GLRA2: variants seen among roughly 807,000 people sequenced by gnomAD.
GLRA2 encodes the protein glycine receptor alpha 2.
GLRA2 carries 11 observed loss-of-function variants against 31.6 expected under a neutral mutation model. The observed-to-expected ratio is 0.35, with a 90% CI of 0.22 to 0.58. The LOEUF is 0.58. Among genes scored for constraint, GLRA2 ranks in the 20% least tolerant of loss-of-function variants. GLRA2 has a pLI of 0.84. For missense variants in GLRA2, 212 were observed against 351.8 expected, an observed-to-expected ratio of 0.60 and a Z score of 3.18; for synonymous variants, 132 against 134.0, an observed-to-expected ratio of 0.99 and a Z score of 0.10.
intron 3 of GLRA2, among the ~76,000 whole-genome samples, chrX:14,574,792 G>A (rs1474796184): frequency 8.9e-6 from 1 of 111,769 alleles, no homozygotes; most frequent in Non-Finnish European, 1.9e-5. Context: ...AACATTTGAT[G>A]TTTTAATGGT....
intron 7 of GLRA2, among the ~76,000 whole-genome samples, chrX:14,685,245 G>A (rs7056241): frequency 0.033 from 3,702 of 111,187 alleles, 123 homozygotes; most frequent in African/African-American, 0.1. Flanking sequence ...GTTTTGCATC[G>A]ATGTTCATCA....
chrX:14,571,689 G>A (rs1252822015), intron 2 of GLRA2, among the ~76,000 whole-genome samples: 1 of 111,272 alleles, frequency 9.0e-6, no homozygotes, highest in Non-Finnish European at 1.9e-5. Flanking sequence ...TCAGTTCTTA[G>A]TATATGCGTG....
At chrX:14,656,817 T>A (rs1189236006) in intron 7 of GLRA2, among the ~76,000 whole-genome samples, 1 of 112,173 alleles carries the variant, frequency 8.9e-6, no homozygotes, top group East Asian at 2.8e-4. Flanking sequence ...TGAAGCAGGA[T>A]AGAGGCATAG....
chrX:14,600,679 T>C (rs910144487), intron 4 of GLRA2, among the ~76,000 whole-genome samples: 3 of 110,891 alleles, frequency 2.7e-5, no homozygotes, highest in Non-Finnish European at 1.9e-5. Context: ...ATTATTTTTT[T>C]ATGGTAAGAA....
At chrX:14,493,018 C>A in the GLRA2 span, among the ~76,000 whole-genome samples, 1 of 111,116 alleles carries the variant, frequency 9.0e-6, no homozygotes, top group Non-Finnish European at 1.9e-5. Flanking sequence ...GGTCACTAAT[C>A]CCATTCATGA....
chrX:14,590,029 C>T, intron 4 of GLRA2, among the ~76,000 whole-genome samples: 1 of 110,530 alleles, frequency 9.0e-6, no homozygotes, highest in African/African-American at 3.3e-5. Context: ...CATCTAATAA[C>T]CCATAAATAA....
chrX:14,486,085 G>C, the GLRA2 span, among the ~76,000 whole-genome samples: 5 of 111,502 alleles, frequency 4.5e-5, no homozygotes, highest in Admixed American at 4.8e-4. Flanking sequence ...GGAAAAAAGA[G>C]AGGGTCTGGA....
the GLRA2 span, among the ~76,000 whole-genome samples, chrX:14,472,139 T>C: frequency 6.1e-4 from 68 of 112,203 alleles, no homozygotes; most frequent in African/African-American, 1.9e-3. Context: ...TCAACTTCAC[T>C]GTTCAAATAG....
chrX:14,593,533 G>T (rs1014136792), intron 4 of GLRA2, among the ~76,000 whole-genome samples: 1 of 112,389 alleles, frequency 8.9e-6, no homozygotes, highest in Admixed American at 9.4e-5. Context: ...AAAGCAAAAA[G>T]TATGCTAGGG....
chrX:14,670,594 A>G (rs891313993), intron 7 of GLRA2, among the ~76,000 whole-genome samples: 1 of 111,305 alleles, frequency 9.0e-6, no homozygotes, highest in African/African-American at 3.3e-5. Flanking sequence ...GCTTGTGCAG[A>G]GAAACTCTCA....
intron 8 of GLRA2, among the ~76,000 whole-genome samples, chrX:14,717,686 T>A (rs2091808648): frequency 9.8e-6 from 1 of 102,382 alleles, no homozygotes; most frequent in Non-Finnish European, 1.9e-5. Flanking sequence ...ATGGAGTACA[T>A]CATGAATTAG....
chrX:14,647,364 A>G (rs1302737298), intron 7 of GLRA2, among the ~76,000 whole-genome samples: 1 of 112,375 alleles, frequency 8.9e-6, no homozygotes, highest in Non-Finnish European at 1.9e-5. Flanking sequence ...ATTAATTTCC[A>G]GAGCAGCCTT....
rs1331997252 is a variant in GLRA2 at position 14,608,980 on chromosome X, C to T, written c.716-11C>T. 1.2e-6 allele frequency: 1 copy of T among 860,380 alleles called. No homozygotes were observed. 70.9% of individuals were successfully genotyped at this position (860,380 alleles called of 1,213,427 possible). Reference sequence around the variant, plus strand: ...CAGGCTGGACTTTAAATGATCATTTCCTCCTTCTAGGAAAGTTTACCTGCA... The same window carrying T: ...CAGGCTGGACTTTAAATGATCATTTTCTCCTTCTAGGAAAGTTTACCTGCA... On this transcript the variant is annotated splice_polypyrimidine_tract_variant and intron_variant, in intron 6 of 8. Transcript: ENST00000218075.
intron 8 of GLRA2, among the ~76,000 whole-genome samples, chrX:14,720,929 T>C (rs1329061883): frequency 1.1e-4 from 12 of 109,771 alleles, no homozygotes; most frequent in African/African-American, 4.0e-4. Flanking sequence ...TCCAGGAGTT[T>C]GGGACCAGCC....
At chrX:14,716,411 A>G (rs1213385465) in intron 8 of GLRA2, among the ~76,000 whole-genome samples, 1 of 111,862 alleles carries the variant, frequency 8.9e-6, no homozygotes. Context: ...TTCCTCTGCA[A>G]TATCCAGTCT....
At chrX:14,450,667 C>A in the GLRA2 span, among the ~76,000 whole-genome samples, 54 of 111,876 alleles carry the variant, frequency 4.8e-4, 1 homozygote, top group Middle Eastern at 0.014. Flanking sequence ...TCAGCAGAAA[C>A]CTTACAAGCC....
chrX:14,507,985 C>T, the GLRA2 span, among the ~76,000 whole-genome samples: 1 of 110,822 alleles, frequency 9.0e-6, no homozygotes, highest in Non-Finnish European at 1.9e-5. Context: ...TGAGCCACTG[C>T]GAGACATTCT....
intron 2 of GLRA2, among the ~76,000 whole-genome samples, chrX:14,538,275 C>T (rs1158321171): frequency 9.0e-6 from 1 of 110,999 alleles, no homozygotes; most frequent in Non-Finnish European, 1.9e-5. Context: ...CTGCCTTTAC[C>T]TACCTCACTT....
At chrX:14,681,910 AAT>A (rs1556060452) in intron 7 of GLRA2, among the ~76,000 whole-genome samples, 149 of 41,269 alleles carry the variant, frequency 3.6e-3, no homozygotes, top group African/African-American at 8.4e-3. Flanking sequence ...AAAAAAAAAA[AAT>A]ATATATATAT....
Sources: allele counts gnomAD v4.1 joint callset (sites outside exome capture counted in the v4.1 genomes callset), GRCh38; gene constraint gnomAD v4.1.1; transcripts MANE v1.5; gene names NCBI Gene and HGNC (gene_info 2026-07-23, HGNC 2026-07-21).